The following VPS13B variants were observed in gnomAD, a reference collection of about 807,000 sequenced individuals.
VPS13B encodes vacuolar protein sorting 13 homolog B.
In VPS13B, 285 loss-of-function variants were observed where a neutral mutation model predicts 426.4. That is an observed-to-expected ratio of 0.67 (90% CI 0.61 to 0.74). VPS13B has a LOEUF of 0.74. VPS13B is among the 30% of genes least tolerant of loss of function. The probability of loss-of-function intolerance (pLI) is 0.00; values close to 1 mark genes in which losing one functional copy is unlikely to be tolerated. For missense variants in VPS13B, 4,537 were observed against 4,782.6 expected (o/e 0.95, Z 1.51); for synonymous variants, 1,676 against 1,676.4 (o/e 1.00, Z 0.01).
intron 30 of VPS13B, chr8:99,536,663 G>T (rs1171770159): frequency 3.7e-6 from 2 of 534,402 alleles, no homozygotes; most frequent in East Asian, 5.5e-5. Context: ...TTGATAAACT[G>T]ACACAACAGT....
intron 61 of VPS13B, chr8:99,873,180 T>G (rs1817519217): frequency 6.6e-6 from 1 of 152,186 alleles, no homozygotes; most frequent in African/African-American, 2.4e-5. Flanking sequence ...TTGGGAAATA[T>G]TTCAGATCTT....
intron 54 of VPS13B, among the ~76,000 whole-genome samples, 181 bp downstream of exon 54, chr8:99,835,919 A>G (rs1017924550): frequency 6.6e-6 from 1 of 152,230 alleles, no homozygotes; most frequent in Non-Finnish European, 1.5e-5. Context: ...TCAAGTATGT[A>G]TCTGCAAAGT....
chr8:99,241,316 C>G (rs1238265756), intron 17 of VPS13B: 1 of 152,032 alleles, frequency 6.6e-6, no homozygotes, highest in Non-Finnish European at 1.5e-5. Flanking sequence ...AACTATTATC[C>G]TGTGTATAAT....
At chr8:99,657,638 A>G (rs1349917578) in intron 34 of VPS13B, among the ~76,000 whole-genome samples, 1 of 152,176 alleles carries the variant, frequency 6.6e-6, no homozygotes, top group African/African-American at 2.4e-5. Flanking sequence ...ATAGTATTCT[A>G]TGCAGTATTT....
At chr8:99,831,076 C>CTTTTTTTTTTTG (rs1815020127) in intron 51 of VPS13B, among the ~76,000 whole-genome samples, 1 of 120,084 alleles carries the variant, frequency 8.3e-6, no homozygotes, top group Non-Finnish European at 1.7e-5. Context: ...GTGTTTTTTT[C>CTTTTTTTTTTTG]TTTTTTTTTT....
chr8:99,284,127 G>A (rs1026136608), intron 19 of VPS13B, among the ~76,000 whole-genome samples: 3 of 151,762 alleles, frequency 2.0e-5, no homozygotes, highest in African/African-American at 7.3e-5. Flanking sequence ...ACTAACTAAG[G>A]GAATTTATAG....
chr8:99,626,145 C>T (rs188353644), intron 33 of VPS13B, among the ~76,000 whole-genome samples: 15 of 152,252 alleles, frequency 9.9e-5, no homozygotes, highest in Admixed American at 5.9e-4. Context: ...ATAACTTGTA[C>T]ATGTGATAGC....
chr8:99,671,104 A>C (rs1428233287), intron 35 of VPS13B, among the ~76,000 whole-genome samples: 1 of 152,110 alleles, frequency 6.6e-6, no homozygotes, highest in East Asian at 1.9e-4. Flanking sequence ...TCCCACCAAC[A>C]ATGTGCAAGG....
At chr8:99,059,988 G>A (rs1178806845) in intron 3 of VPS13B, among the ~76,000 whole-genome samples, 1 of 151,930 alleles carries the variant, frequency 6.6e-6, no homozygotes, top group Non-Finnish European at 1.5e-5. Flanking sequence ...CGCCCACCTC[G>A]GCCTCCCAAA....
chr8:99,140,317 A>G (rs1486518746), intron 12 of VPS13B, among the ~76,000 whole-genome samples: 1 of 149,478 alleles, frequency 6.7e-6, no homozygotes, highest in East Asian at 2.0e-4. Context: ...GTGAGCTGAG[A>G]TCATACCACT....
chr8:99,436,469 G>T (rs1372822369), intron 22 of VPS13B, among the ~76,000 whole-genome samples: 1 of 151,780 alleles, frequency 6.6e-6, no homozygotes, highest in Non-Finnish European at 1.5e-5. Context: ...AAACTATATG[G>T]TTTATTTTGT....
chr8:99,246,399 G>T (rs1368442075), intron 17 of VPS13B, among the ~76,000 whole-genome samples: 1 of 152,128 alleles, frequency 6.6e-6, no homozygotes, highest in Admixed American at 6.5e-5. Flanking sequence ...ACCAAATCCA[G>T]CCCATCAGCT....
At chr8:99,788,023 A>G (rs1368370032) in intron 43 of VPS13B, among the ~76,000 whole-genome samples, 2 of 152,084 alleles carry the variant, frequency 1.3e-5, no homozygotes, top group Non-Finnish European at 2.9e-5. Flanking sequence ...CAAAATGAAT[A>G]TAACGGAAGT....
At chr8:99,478,885 C>T (rs1035619891) in intron 24 of VPS13B, among the ~76,000 whole-genome samples, 2 of 150,726 alleles carry the variant, frequency 1.3e-5, no homozygotes, top group African/African-American at 4.9e-5. Context: ...TTAGTAACAA[C>T]CTACATGCCA....
At chr8:99,810,478 A>T (rs1161003406) in intron 44 of VPS13B, among the ~76,000 whole-genome samples, 2 of 152,226 alleles carry the variant, frequency 1.3e-5, no homozygotes, top group Non-Finnish European at 1.5e-5. Context: ...GGTGAACAGT[A>T]GGACCCACAC....
intron 33 of VPS13B, among the ~76,000 whole-genome samples, chr8:99,590,175 G>T (rs765700260): frequency 1.8e-4 from 27 of 152,150 alleles, no homozygotes; most frequent in Non-Finnish European, 3.2e-4. Flanking sequence ...TGTGGGATCA[G>T]TGGTGATATC....
At chr8:99,065,133 G>A (rs7844224) in intron 3 of VPS13B, among the ~76,000 whole-genome samples, 112,681 of 152,014 alleles carry the variant, frequency 0.74, 42,413 homozygotes, top group South Asian at 0.87. Flanking sequence ...AGGAACAACC[G>A]GTACCAGCCA....
At chr8:99,534,343 T>G (rs940381194) in intron 30 of VPS13B, among the ~76,000 whole-genome samples, 3 of 152,168 alleles carry the variant, frequency 2.0e-5, no homozygotes, top group Non-Finnish European at 4.4e-5. Context: ...CCATCATAAA[T>G]TTTTGAAATG....
At position 99,135,582 on chromosome 8, in the gene VPS13B, G is replaced by A. The variant is rs767183587; in HGVS notation, c.1426-14G>A. On this transcript the variant is annotated splice_polypyrimidine_tract_variant and intron_variant, in intron 10 of 61. Transcript: ENST00000357162. ...GTTTTTCTTCCCATTTATAAATTTT[G>A]CATTTGTTTTCAGGAAGCCTGTTTC... The A allele has an allele frequency of 1.9e-6, 3 of 1,611,676 alleles. No individual in the cohort carries two copies. Among genetic ancestry groups the A allele is most frequent in the Non-Finnish European group, 2.5e-6 (3 of 1,178,560 alleles).
Sources: allele counts gnomAD v4.1 joint callset (sites outside exome capture counted in the v4.1 genomes callset), GRCh38; gene constraint gnomAD v4.1.1; transcripts MANE v1.5; gene names NCBI Gene and HGNC (gene_info 2026-07-23, HGNC 2026-07-21).